The following SDK2 variants were observed in gnomAD, a reference collection of about 807,000 sequenced individuals.
The protein encoded by SDK2 is protein sidekick-2.
A neutral mutation model predicts 253.9 loss-of-function variants in SDK2; 105 were observed. The observed-to-expected ratio is 0.41, with a 90% confidence interval of 0.35 to 0.49. The LOEUF is 0.49. Ranked by LOEUF, SDK2 falls within the 20% of genes least tolerant of loss-of-function variation. The probability of loss-of-function intolerance (pLI) is 0.06; values close to 1 mark genes in which losing one functional copy is unlikely to be tolerated. For synonymous variants in SDK2, 1,249 were observed against 1,234.9 expected, an observed-to-expected ratio of 1.01 and a Z score of -0.24; for missense variants, 2,608 against 3,003.0, an observed-to-expected ratio of 0.87 and a Z score of 3.07.
At chr17:73,427,178 G>A (rs1262970012) in intron 12 of SDK2, among the ~76,000 whole-genome samples, 2 of 152,202 alleles carry the variant, frequency 1.3e-5, no homozygotes, top group South Asian at 4.1e-4. Context: ...CACTGCCTGT[G>A]AAGTATTTGT....
At chr17:73,550,058 C>A (rs573427213) in intron 1 of SDK2, among the ~76,000 whole-genome samples, 3 of 152,276 alleles carry the variant, frequency 2.0e-5, no homozygotes, top group African/African-American at 7.2e-5. Flanking sequence ...CACTGAGCCC[C>A]GGGTTTCTCC....
intron 36 of SDK2, 38 bp from the exon 37 acceptor site, chr17:73,368,631 G>A (rs540452011): frequency 7.4e-6 from 11 of 1,483,164 alleles, no homozygotes; most frequent in South Asian, 6.7e-5. Context: ...AGGGGGACAG[G>A]GGCAATGAGA....
chr17:73,483,617 ATATATATGTATATGTATATATATATG>A (rs1567799010), intron 2 of SDK2, among the ~76,000 whole-genome samples: 39 of 132,736 alleles, frequency 2.9e-4, no homozygotes, highest in African/African-American at 1.0e-3. Flanking sequence ...ATATATATGT[ATATATATGTATATGTATATATATATG>A]TGTGTGTGTG....
At chr17:73,583,058 C>A (rs1336909709) in intron 1 of SDK2, among the ~76,000 whole-genome samples, 1 of 152,232 alleles carries the variant, frequency 6.6e-6, no homozygotes, top group Non-Finnish European at 1.5e-5. Context: ...CCTATGCATC[C>A]TTTAGGGGTC....
chr17:73,631,931 T>G (rs1291412832), intron 1 of SDK2, among the ~76,000 whole-genome samples: 4 of 152,192 alleles, frequency 2.6e-5, no homozygotes, highest in African/African-American at 9.7e-5. Flanking sequence ...CTGCTGGTGT[T>G]GATTGGCTTG....
At position 73,491,723 on chromosome 17, in the gene SDK2, A is replaced by G. The variant is rs1023145538; in HGVS notation, c.224+15715T>C. 4.6e-5 allele frequency among the ~76,000 whole-genome samples: 7 copies of G among 152,210 alleles called. No homozygotes were observed. In the East Asian group the frequency reaches 5.8e-4, roughly 13 times the overall value. ...TTCTGCTCTTTGTCCTCCGTGACTC[A>G]GTTCCAATCCTTGCCCATTCTCTCT... On this transcript the variant is annotated intron_variant, in intron 2 of 44. Transcript: ENST00000392650.
At chr17:73,560,469 A>G (rs566652463) in intron 1 of SDK2, among the ~76,000 whole-genome samples, 112 of 152,332 alleles carry the variant, frequency 7.4e-4, no homozygotes, top group African/African-American at 2.4e-3. Flanking sequence ...CCTCCTGAGT[A>G]GCTGGGACTA....
At chr17:73,482,315 G>T (rs1036814246) in intron 2 of SDK2, among the ~76,000 whole-genome samples, 9 of 151,926 alleles carry the variant, frequency 5.9e-5, no homozygotes, top group Non-Finnish European at 1.5e-5. Flanking sequence ...GTTGGTTCTG[G>T]TTCCTCATAG....
At chr17:73,394,124 G>C (rs935476545) in intron 26 of SDK2, 85 bp downstream of exon 26, 2 of 784,416 alleles carry the variant, frequency 2.5e-6, no homozygotes, top group Admixed American at 6.2e-5. Flanking sequence ...CAGAGACCTA[G>C]AGGGTGATAA....
chr17:73,601,142 C>T (rs549853090), intron 1 of SDK2, among the ~76,000 whole-genome samples: 2 of 152,074 alleles, frequency 1.3e-5, no homozygotes, highest in East Asian at 3.9e-4. Context: ...GTCTCAGCCT[C>T]CCGAGTAGCT....
rs1454777849 is a variant in SDK2 at position 73,401,722 on chromosome 17, C to T, written c.2711G>A (p.Ser904Asn). 6 of 1,589,962 alleles carry T rather than the reference C, an allele frequency of 3.8e-6. No individual in the cohort carries two copies. Among genetic ancestry groups the T allele is most frequent in the Admixed American group, 1.8e-5 (1 of 57,002 alleles). The change falls in exon 20 of 45, where the codon AGT (serine) becomes AAT (asparagine). Residue 904 changes from serine (S) to asparagine (N), a missense_variant. Ser to Asn is a conservative substitution (Grantham distance 46). Transcript: ENST00000392650. ...CTTCAGCGATGTGTCCAGGATCTCA[C>T]TGAAGCTCAGGTGTCCCACGGGCCC... Reference protein sequence around the residue: ...VPGPVGHLSFSEILDTSLKVS... With the variant: ...VPGPVGHLSFNEILDTSLKVS...
intron 29 of SDK2, among the ~76,000 whole-genome samples, chr17:73,389,272 C>T (rs976583003): frequency 2.0e-5 from 3 of 150,342 alleles, no homozygotes; most frequent in East Asian, 4.0e-4. Context: ...TGACCTCCGC[C>T]TCGCAGGTTC....
chr17:73,533,606 C>T (rs528849172), intron 1 of SDK2, among the ~76,000 whole-genome samples: 1 of 152,362 alleles, frequency 6.6e-6, no homozygotes, highest in Admixed American at 6.5e-5. Context: ...CCAAAACGCT[C>T]TGTGCTGCCA....
At chr17:73,636,902 TA>T (rs2046339239) in intron 1 of SDK2, among the ~76,000 whole-genome samples, 1 of 152,156 alleles carries the variant, frequency 6.6e-6, no homozygotes, top group Non-Finnish European at 1.5e-5. Flanking sequence ...CTCACTGCTC[TA>T]TGTGTATTAT....
In SDK2 at chr17:73,541,850, C is replaced by T. The variant is rs914782828; in HGVS notation, c.65-34253G>A. Among the ~76,000 whole-genome samples the T allele has an allele frequency of 2.0e-5, 3 of 152,160 alleles. No individual in the cohort carries two copies. Among genetic ancestry groups the T allele is most frequent in the Non-Finnish European group, 2.9e-5 (2 of 68,028 alleles). On this transcript the variant is annotated intron_variant, in intron 1 of 44. Transcript: ENST00000392650. This position sits in a 1 kb window ranked among gnomAD's most constrained non-coding sequence, Gnocchi z 4.3. ...AGCCGAGTGGAAGATCCTCGTCAAT[C>T]GGGCTCATGGTTTGGTGGAAACCAC...
intron 16 of SDK2, among the ~76,000 whole-genome samples, chr17:73,418,010 G>GTTTTTTTT (rs397689294): frequency 1.6e-4 from 21 of 128,230 alleles, no homozygotes; most frequent in Non-Finnish European, 2.2e-4. Flanking sequence ...TCCTAGATGA[G>GTTTTTTTT]TTTTTTTTTT....
chr17:73,499,772 C>T (rs1210908644), intron 2 of SDK2, among the ~76,000 whole-genome samples: 1 of 152,050 alleles, frequency 6.6e-6, no homozygotes, highest in African/African-American at 2.4e-5. Flanking sequence ...TGAGATTCAC[C>T]TGTTGTGAGA....
At chr17:73,461,402 A>G (rs1002036751) in intron 3 of SDK2, among the ~76,000 whole-genome samples, 18 of 152,248 alleles carry the variant, frequency 1.2e-4, no homozygotes, top group African/African-American at 3.6e-4. Context: ...ACAACTGTCG[A>G]AAAGGAGGGA....
Position 73,431,239 on chromosome 17 carries a change from A to G in SDK2, c.1480+263T>C, listed in dbSNP as rs1364710262. Reference sequence around the variant, plus strand: ...TTTGCCGATTTCTGCCCTAAAATATATGAAGGCAGCTCTCCTATAACTTCA... The same window carrying G: ...TTTGCCGATTTCTGCCCTAAAATATGTGAAGGCAGCTCTCCTATAACTTCA... On this transcript the variant is annotated intron_variant, in intron 11 of 44. Transcript: ENST00000392650. The surrounding 1 kb of genome is among the most constrained non-coding windows in gnomAD (Gnocchi z 5.6). 2.0e-5 allele frequency among the ~76,000 whole-genome samples: 3 copies of G among 152,152 alleles called. No homozygotes were observed. Among genetic ancestry groups the G allele is most frequent in the Non-Finnish European group, 4.4e-5 (3 of 68,018 alleles).
Sources: gnomAD v4.1 joint callset for allele counts (sites outside exome capture counted in the v4.1 genomes callset) on GRCh38, gnomAD v4.1.1 for gene constraint, Gnocchi (gnomAD v3.1) non-coding constraint, MANE v1.5 for transcripts, NCBI Gene and HGNC (gene_info 2026-07-23, HGNC 2026-07-21) for gene names.